BMPR1B: variants seen among roughly 807,000 people sequenced by gnomAD.
The protein encoded by BMPR1B is bone morphogenetic protein receptor type-1B.
A neutral mutation model predicts 59.1 loss-of-function variants in BMPR1B; 12 were observed. That is an observed-to-expected ratio of 0.20 (90% CI 0.13 to 0.33). The LOEUF is 0.33. Ranked by LOEUF, BMPR1B falls within the 10% of genes least tolerant of loss-of-function variation. The pLI is 1.00. For missense variants in BMPR1B, 550 were observed against 610.9 expected (o/e 0.90, Z 1.05); for synonymous variants, 237 against 207.3 (o/e 1.14, Z -1.23).
At chr4:95,069,393 G>A (rs1728102340) in intron 3 of BMPR1B, among the ~76,000 whole-genome samples, 1 of 152,094 alleles carries the variant, frequency 6.6e-6, no homozygotes, top group African/African-American at 2.4e-5. Context: ...GGACAAACTG[G>A]CACCTGTTAC....
chr4:94,904,579 T>A (rs1373114403), intron 2 of BMPR1B, among the ~76,000 whole-genome samples: 1 of 152,006 alleles, frequency 6.6e-6, no homozygotes, highest in Non-Finnish European at 1.5e-5. Context: ...GTAAGAGAAA[T>A]CAAAGACTGT....
In BMPR1B at chr4:95,148,882, GC is replaced by G; in HGVS notation, c.1213del (p.Leu405SerfsTer15). The G allele has an allele frequency of 6.2e-7, 1 of 1,614,026 alleles. No homozygotes were observed. The highest frequency in any genetic ancestry group is 8.5e-7 in the Non-Finnish European group (1 of 1,179,928). ...ATCATGGCTGACATGTATAGTTTTG[GC>G]CTCATCCTTTGGGAGGTTGCTAGGA... ...SYIMADMYSF[G>X]LILWEVARRC... On this transcript the variant is annotated frameshift_variant, in exon 11 of 13. Transcript: ENST00000515059. LOFTEE classifies it high-confidence loss of function.
At chr4:95,046,488 T>G (rs994024159) in intron 3 of BMPR1B, among the ~76,000 whole-genome samples, 2 of 152,172 alleles carry the variant, frequency 1.3e-5, no homozygotes, top group African/African-American at 4.8e-5. Flanking sequence ...ATATAACAAT[T>G]TAACAGTTAG....
At chr4:94,950,361 G>A (rs955719540) in intron 2 of BMPR1B, among the ~76,000 whole-genome samples, 15 of 151,942 alleles carry the variant, frequency 9.9e-5, no homozygotes, top group East Asian at 3.9e-4. Flanking sequence ...TGAAGTCTTC[G>A]CCCATGCCTA....
intron 2 of BMPR1B, among the ~76,000 whole-genome samples, chr4:94,926,125 C>CTGCCTCCCTCCT (rs1341138697): frequency 8.1e-5 from 12 of 148,928 alleles, no homozygotes; most frequent in Non-Finnish European, 1.6e-4. Context: ...TCCTCCCTCC[C>CTGCCTCCCTCCT]TGCCTCCCTC....
At chr4:95,152,299 T>C (rs1310718062) in intron 11 of BMPR1B, among the ~76,000 whole-genome samples, 1 of 152,180 alleles carries the variant, frequency 6.6e-6, no homozygotes, top group East Asian at 1.9e-4. Context: ...TCAGGATATG[T>C]CTTGCAGATT....
chr4:95,144,167 T>C (rs560181835), intron 10 of BMPR1B, among the ~76,000 whole-genome samples: 5 of 152,282 alleles, frequency 3.3e-5, no homozygotes, highest in Non-Finnish European at 7.3e-5. Flanking sequence ...CTATCTCCAC[T>C]GTCCCTAAAT....
chr4:94,759,606 C>A (rs2110552715), intron 1 of BMPR1B, among the ~76,000 whole-genome samples: 1 of 152,270 alleles, frequency 6.6e-6, no homozygotes, highest in South Asian at 2.1e-4. Context: ...AGAAAATATT[C>A]AGTCTTTGTA....
At chr4:94,775,908 G>A (rs750493957) in intron 1 of BMPR1B, among the ~76,000 whole-genome samples, 19 of 152,034 alleles carry the variant, frequency 1.2e-4, no homozygotes, top group Non-Finnish European at 1.9e-4. Context: ...TGGCTAACAC[G>A]GTGAAACCCC....
At chr4:95,136,535 G>A (rs1208233200) in intron 10 of BMPR1B, among the ~76,000 whole-genome samples, 2 of 152,074 alleles carry the variant, frequency 1.3e-5, no homozygotes, top group African/African-American at 4.8e-5. Context: ...GAATCCATGT[G>A]GTCCTAGACT....
chr4:95,123,042 T>C (rs1732639854), intron 6 of BMPR1B, among the ~76,000 whole-genome samples: 1 of 152,100 alleles, frequency 6.6e-6, no homozygotes, highest in East Asian at 1.9e-4. Context: ...AATAAAGTAC[T>C]TTGAATGGAA....
chr4:95,065,483 G>A (rs1228951956), intron 3 of BMPR1B, among the ~76,000 whole-genome samples: 1 of 152,122 alleles, frequency 6.6e-6, no homozygotes, highest in Non-Finnish European at 1.5e-5. Flanking sequence ...AATATTCATA[G>A]GCGTGATAAT....
At chr4:94,844,982 A>C (rs1725259485) in intron 1 of BMPR1B, among the ~76,000 whole-genome samples, 1 of 152,180 alleles carries the variant, frequency 6.6e-6, no homozygotes, top group Non-Finnish European at 1.5e-5. Context: ...TAAAGAGGAA[A>C]AATTAAATTA....
intron 3 of BMPR1B, among the ~76,000 whole-genome samples, chr4:95,079,279 AG>A (rs1344936272): frequency 6.6e-6 from 1 of 152,192 alleles, no homozygotes; most frequent in African/African-American, 2.4e-5. Context: ...GTGATCCATG[AG>A]GCCTTCACAA....
chr4:95,028,314 G>A (rs1724568859), intron 3 of BMPR1B, among the ~76,000 whole-genome samples: 1 of 152,176 alleles, frequency 6.6e-6, no homozygotes, highest in Admixed American at 6.5e-5. Context: ...TATGTGAACT[G>A]TAGCAGTTGG....
intron 1 of BMPR1B, among the ~76,000 whole-genome samples, chr4:94,843,748 T>A (rs1176400937): frequency 2.0e-5 from 3 of 152,184 alleles, no homozygotes; most frequent in African/African-American, 7.2e-5. Context: ...TTTATTTTGA[T>A]AAGCAATAAT....
At chr4:94,762,911 C>G (rs980007625) in intron 1 of BMPR1B, among the ~76,000 whole-genome samples, 11 of 151,070 alleles carry the variant, frequency 7.3e-5, no homozygotes, top group African/African-American at 2.7e-4. Context: ...ATCTACATTG[C>G]AGCAATTCAC....
chr4:95,130,061 A>G lies in BMPR1B; in HGVS notation c.778+7A>G. 1.2e-6 allele frequency: 2 copies of G among 1,612,850 alleles called. No homozygotes were observed. Among genetic ancestry groups the G allele is most frequent in the Non-Finnish European group, 8.5e-7 (1 of 1,178,964 alleles). On this transcript the variant is annotated splice_region_variant and intron_variant, in intron 9 of 12. Transcript: ENST00000515059. The stretch of plus-strand genomic sequence containing the variant: ...AGGCATGAAAACATTTTGGGTGAGT[A>G]AAAGTCTGCATAGCTATGTTCAGGG...
intron 3 of BMPR1B, among the ~76,000 whole-genome samples, chr4:95,053,685 G>C (rs1726697716): frequency 6.6e-6 from 1 of 152,030 alleles, no homozygotes; most frequent in South Asian, 2.1e-4. Context: ...ACATCCAACA[G>C]GTCATCTTAG....
Sources: allele counts gnomAD v4.1 joint callset (sites outside exome capture counted in the v4.1 genomes callset), GRCh38; gene constraint gnomAD v4.1.1; transcripts MANE v1.5; gene names NCBI Gene and HGNC (gene_info 2026-07-23, HGNC 2026-07-21).